MYH6: variants seen among roughly 807,000 people sequenced by gnomAD.
MYH6 encodes the protein myosin-6.
A neutral mutation model predicts 223.2 loss-of-function variants in MYH6; 126 were observed. That is an observed-to-expected ratio of 0.56 (90% CI 0.49 to 0.65). The LOEUF is 0.65. Among genes scored for constraint, MYH6 ranks in the 30% least tolerant of loss-of-function variants. The pLI, the probability that MYH6 is intolerant of heterozygous loss-of-function variation, is 0.00. For missense variants in MYH6, 2,040 were observed against 2,536.4 expected, an observed-to-expected ratio of 0.80 and a Z score of 4.20; for synonymous variants, 978 against 1,010.2, an observed-to-expected ratio of 0.97 and a Z score of 0.61.
chr14:23,405,070 C>A lies in MYH6; in HGVS notation c.530+30G>T. 2 of 1,614,080 alleles carry A rather than the reference C, an allele frequency of 1.2e-6. No homozygotes were observed. Among genetic ancestry groups the A allele is most frequent in the South Asian group, 1.1e-5 (1 of 91,054 alleles). On this transcript the variant is annotated intron_variant, in intron 6 of 38. Coordinates refer to ENST00000405093, the MANE Select transcript of MYH6 (RefSeq NM_002471.4). This position sits in a 1 kb window ranked among gnomAD's most constrained non-coding sequence, Gnocchi z 4.7. ...TCAGCGTGTATGCCCCCAGCCCAGT[C>A]CCTTCTGTGGGAGGATGGCACTCGC...
In MYH6 at chr14:23,402,668, C is replaced by T. The variant is rs751884856; in HGVS notation, c.1002+29G>A. 2.0e-5 allele frequency: 32 copies of T among 1,613,314 alleles called. No individual in the cohort carries two copies. The African/African-American group carries it at 2.1e-4, about 11-fold the overall frequency. On this transcript the variant is annotated intron_variant, in intron 11 of 38. Transcript: ENST00000405093. ...GGCCCCAGGAGCTCCTGGGGTCCCT[C>T]GAACGGCCGCAGCAGCCCCCTCACT...
Position 23,388,145 on chromosome 14 carries a change from C to G in MYH6, c.4359+10G>C. 6.2e-7 allele frequency: 1 copy of G among 1,612,304 alleles called. No individual in the cohort carries two copies. Among genetic ancestry groups the G allele is most frequent in the Non-Finnish European group, 8.5e-7 (1 of 1,180,042 alleles). On this transcript the variant is annotated intron_variant, in intron 30 of 38. Coordinates refer to ENST00000405093, the MANE Select transcript of MYH6 (RefSeq NM_002471.4). The stretch of plus-strand genomic sequence containing the variant: ...CTGCATGCTGGCTGCGGCCCCCGCC[C>G]ATGGTCCACCTTGTCAAAGTTTCTC...
intron 12 of MYH6, 26 bp from the exon 13 acceptor site, chr14:23,401,003 A>G (rs1272071439): frequency 1.9e-6 from 3 of 1,605,704 alleles, no homozygotes; most frequent in Non-Finnish European, 2.5e-6. Context: ...AGGATAAGTG[A>G]GCACTTCCTT....
chr14:23,393,637 G>A, intron 22 of MYH6, 29 bp downstream of exon 22: 1 of 1,614,176 alleles, frequency 6.2e-7, no homozygotes, highest in Non-Finnish European at 8.5e-7. Context: ...GAGGAGACCT[G>A]GGCTGAAGCC....
chr14:23,406,211 C>T (rs1011039197), intron 3 of MYH6, among the ~76,000 whole-genome samples: 1 of 152,182 alleles, frequency 6.6e-6, no homozygotes, highest in Non-Finnish European at 1.5e-5. Flanking sequence ...AGTAGTTCAC[C>T]CATCTACTCC....
intron 8 of MYH6, 54 bp downstream of exon 8, chr14:23,404,242 C>G: frequency 6.3e-7 from 1 of 1,593,512 alleles, no homozygotes; most frequent in Non-Finnish European, 8.6e-7. Context: ...AACAGCACCC[C>G]CTTTTTCTTG....
chr14:23,383,355 G>C (rs1451697474), intron 36 of MYH6, 35 bp from the exon 37 acceptor site: 1 of 1,477,174 alleles, frequency 6.8e-7, no homozygotes, highest in Non-Finnish European at 9.4e-7. Flanking sequence ...CTGGTTTGGA[G>C]GGGGAGCAAA....
intron 29 of MYH6, chr14:23,388,563 C>A (rs1891115021): frequency 3.5e-6 from 3 of 869,402 alleles, no homozygotes; most frequent in African/African-American, 1.6e-5. Flanking sequence ...CCTGCCCTCA[C>A]CCCCCACACA....
chr14:23,397,720 G>A (rs1388018418), intron 15 of MYH6, 107 bp from the exon 16 acceptor site: 2 of 1,141,850 alleles, frequency 1.8e-6, no homozygotes, highest in Admixed American at 1.8e-5. Flanking sequence ...CTTTGGGCAA[G>A]GAATTCTCCA....
chr14:23,397,560 C>T lies in MYH6; in HGVS notation c.1945G>A (p.Val649Met). The change falls in exon 16 of 39, where the codon GTG becomes ATG. Residue 649 changes from valine to methionine, a missense_variant. Coordinates refer to ENST00000405093, the MANE Select transcript of MYH6 (RefSeq NM_002471.4). ...CTTCTTACCCGGTGGAGAGCCGACA[C>T]CGTCTGGAAGGATGAGCCCTTTTTC... ...GKKKGSSFQT[V>M]SALHRENLNK... is the part of the protein sequence containing the mutation. 2 of 1,614,208 alleles carry T rather than the reference C, an allele frequency of 1.2e-6. No individual in the cohort carries two copies. The highest frequency in any genetic ancestry group is 1.7e-6 in the Non-Finnish European group (2 of 1,180,046).
chr14:23,404,225 G>A, intron 8 of MYH6, 71 bp downstream of exon 8: 1 of 1,529,352 alleles, frequency 6.5e-7, no homozygotes, highest in Non-Finnish European at 9.1e-7. Context: ...TCAACTGGGT[G>A]TGGCAAAACA....
At position 23,392,655 on chromosome 14, in the gene MYH6, G is replaced by T. The variant is rs1595055458; in HGVS notation, c.3252-3C>A. On this transcript the variant is annotated splice_polypyrimidine_tract_variant and splice_region_variant and intron_variant, in intron 24 of 38. Coordinates refer to ENST00000405093, the MANE Select transcript of MYH6 (RefSeq NM_002471.4). ...GCTGATTAATGTCAAACTCCTTCCTGCAGGAGAAGGGTGGGGGTGGGGGAG... is the reference window on the plus strand; with the variant it reads ...GCTGATTAATGTCAAACTCCTTCCTTCAGGAGAAGGGTGGGGGTGGGGGAG... The T allele has an allele frequency of 6.7e-7, 1 of 1,498,338 alleles. No homozygotes were observed. Among genetic ancestry groups the T allele is most frequent in the Non-Finnish European group, 9.3e-7 (1 of 1,077,502 alleles). The allele number at this position is 1,498,338 out of a possible 1,614,324, so 92.8% of individuals were successfully genotyped here. A position where few individuals can be genotyped will look rare whatever the true frequency, so the allele number is the denominator to read the frequency against.
At chr14:23,392,175 A>C (rs1258975264) in intron 25 of MYH6, among the ~76,000 whole-genome samples, 6 of 150,494 alleles carry the variant, frequency 4.0e-5, no homozygotes, top group Admixed American at 4.0e-4. Flanking sequence ...GAATATGAAC[A>C]GAGCAGCTCA....
chr14:23,397,968 TTCTTC>T (rs1566512599), intron 15 of MYH6, among the ~76,000 whole-genome samples: 2 of 130,762 alleles, frequency 1.5e-5, no homozygotes, highest in South Asian at 2.8e-4. Context: ...CTTCTTCTTC[TTCTTC>T]TTCTTCTTCT....
chr14:23,396,332 G>A lies in MYH6; in HGVS notation c.2381C>T (p.Ala794Val). 1 of 1,614,106 alleles carries A rather than the reference G, an allele frequency of 6.2e-7. No individual in the cohort carries two copies. The highest frequency in any genetic ancestry group is 1.3e-5 in the African/African-American group (1 of 75,040). Residue 794 changes from alanine to valine, a missense_variant, in exon 20 of 39, where the codon GCC becomes GTC. Coordinates refer to ENST00000405093, the MANE Select transcript of MYH6 (RefSeq NM_002471.4). ...CTCAATGCGCATGAGCTGGCCCCGG[G>A]CTTGGGCCTGCATGCGCGTGATGAT... ...SRIITRMQAQ[A>V]RGQLMRIEFK...
At chr14:23,392,513 C>T in intron 25 of MYH6, 49 bp downstream of exon 25, 6 of 1,356,216 alleles carry the variant, frequency 4.4e-6, no homozygotes, top group Non-Finnish European at 4.2e-6. Context: ...GCCTCAGTTA[C>T]CTCAGGGCTA....
At position 23,400,337 on chromosome 14, in the gene MYH6, C is replaced by T. The variant is rs372073959; in HGVS notation, c.1500G>A (p.Glu500=). 1 of 1,614,210 alleles carries T rather than the reference C, an allele frequency of 6.2e-7. No homozygotes were observed. The highest frequency in any genetic ancestry group is 8.5e-7 in the Non-Finnish European group (1 of 1,180,042). ...ACTCAATGCCCTCCTTCTTGTACTC[C>T]TCCTGCTCCAGCACGAACATGTGGT... ...FNHHMFVLEQ[E]EYKKEGIEWT... Residue 500 remains glutamate (E), a synonymous_variant, in exon 14 of 39, where the codon GAG becomes GAA. Coordinates refer to ENST00000405093, the MANE Select transcript of MYH6 (RefSeq NM_002471.4).
At chr14:23,385,690 A>G (rs767188001) in intron 34 of MYH6, among the ~76,000 whole-genome samples, 2 of 151,952 alleles carry the variant, frequency 1.3e-5, no homozygotes, top group Non-Finnish European at 2.9e-5. Context: ...ACATTCCACT[A>G]CTCCCAGATT....
chr14:23,383,699 G>C (rs909677517), intron 36 of MYH6, among the ~76,000 whole-genome samples: 1 of 152,190 alleles, frequency 6.6e-6, no homozygotes, highest in Non-Finnish European at 1.5e-5. Context: ...ACCAGAAAAA[G>C]AATGCAGAAA....
Sources: allele counts gnomAD v4.1 joint callset (sites outside exome capture counted in the v4.1 genomes callset), GRCh38; gene constraint gnomAD v4.1.1; non-coding constraint Gnocchi (gnomAD v3.1); transcripts MANE v1.5; gene names NCBI Gene and HGNC (gene_info 2026-07-23, HGNC 2026-07-21).